PTPRK: variants seen among roughly 807,000 people sequenced by gnomAD.
PTPRK encodes receptor-type tyrosine-protein phosphatase kappa.
Under a neutral mutation model 178.0 loss-of-function variants are expected in PTPRK, and 75 were observed. The observed-to-expected ratio is 0.42, with a 90% CI of 0.35 to 0.51. The LOEUF is 0.51. PTPRK is among the 20% of genes least tolerant of loss of function. The pLI, the probability that PTPRK is intolerant of heterozygous loss-of-function variation, is 0.02. For synonymous variants in PTPRK, 637 were observed against 620.6 expected (o/e 1.03, Z -0.39); for missense variants, 1,441 against 1,797.8 (o/e 0.80, Z 3.59).
chr6:128,290,444 T>C (rs927957698), intron 3 of PTPRK, among the ~76,000 whole-genome samples: 1 of 152,062 alleles, frequency 6.6e-6, no homozygotes, highest in African/African-American at 2.4e-5. Context: ...TGACATACAC[T>C]GATGACTTGT....
intron 6 of PTPRK, among the ~76,000 whole-genome samples, chr6:128,203,723 T>C (rs953968941): frequency 6.6e-6 from 1 of 152,066 alleles, no homozygotes; most frequent in African/African-American, 2.4e-5. Flanking sequence ...ACAAGGGAAG[T>C]GGAAGACCTC....
Position 128,046,078 on chromosome 6 carries a change from A to G in PTPRK, c.2194+18680T>C, listed in dbSNP as rs73582667. On this transcript the variant is annotated intron_variant, in intron 13 of 29. Coordinates refer to ENST00000368226, the MANE Select transcript of PTPRK (RefSeq NM_002844.4). ...AAAGCAGGAAATATTAGTGCCTAAC[A>G]AAAGTCAGTTCTAAGTCATGAAACA... 9.1e-3 allele frequency among the ~76,000 whole-genome samples: 1,393 copies of G among 152,284 alleles called. 21 individuals carry two copies. Among genetic ancestry groups the G allele is most frequent in the African/African-American group, 0.032 (1,314 of 41,574 alleles).
chr6:128,452,528 A>G (rs942102218), intron 1 of PTPRK, among the ~76,000 whole-genome samples: 4 of 152,122 alleles, frequency 2.6e-5, no homozygotes, highest in African/African-American at 9.7e-5. Flanking sequence ...TCTTAAATTC[A>G]CATCCCACAA....
Position 127,991,278 on chromosome 6 carries a change from T to A in PTPRK, c.2979+16A>T. On this transcript the variant is annotated intron_variant, in intron 20 of 29. Transcript: ENST00000368226. The stretch of plus-strand genomic sequence containing the variant: ...GTTCATTTTTATGACAAAAAAATTC[T>A]TTTTCTTCCTCTTACCCGGCCAACC... 1 of 1,574,084 alleles carries A rather than the reference T, an allele frequency of 6.4e-7. No homozygotes were observed. The highest frequency in any genetic ancestry group is 8.6e-7 in the Non-Finnish European group (1 of 1,159,548).
intron 3 of PTPRK, among the ~76,000 whole-genome samples, chr6:128,297,517 C>A (rs948687586): frequency 1.3e-5 from 2 of 152,248 alleles, no homozygotes; most frequent in Non-Finnish European, 2.9e-5. Context: ...GAAATTATAA[C>A]AAACTGTCTC....
At chr6:128,435,522 C>G (rs913164284) in intron 1 of PTPRK, among the ~76,000 whole-genome samples, 1 of 151,974 alleles carries the variant, frequency 6.6e-6, no homozygotes, top group Non-Finnish European at 1.5e-5. Context: ...ACTACAGCAC[C>G]GAGGAAGAGG....
At chr6:128,493,284 T>C (rs367988841) in intron 1 of PTPRK, among the ~76,000 whole-genome samples, 108 of 152,258 alleles carry the variant, frequency 7.1e-4, no homozygotes, top group African/African-American at 1.8e-3. Context: ...GCTAACTGGC[T>C]GGGCGCGGTG....
intron 6 of PTPRK, among the ~76,000 whole-genome samples, chr6:128,191,417 G>A (rs1182031601): frequency 6.6e-6 from 1 of 152,062 alleles, no homozygotes; most frequent in African/African-American, 2.4e-5. Flanking sequence ...CAGGGGCAGG[G>A]CGGGGAGTTT....
At chr6:127,987,183 T>G (rs573209625) in intron 21 of PTPRK, among the ~76,000 whole-genome samples, 2 of 152,014 alleles carry the variant, frequency 1.3e-5, no homozygotes, top group Non-Finnish European at 2.9e-5. Flanking sequence ...TGTCAGCACC[T>G]ATTCCCTGAT....
At chr6:128,258,424 A>G (rs1362705123) in intron 3 of PTPRK, among the ~76,000 whole-genome samples, 1 of 152,188 alleles carries the variant, frequency 6.6e-6, no homozygotes, top group Non-Finnish European at 1.5e-5. Context: ...TCATGCTAAC[A>G]CTAGAGATAA....
intron 2 of PTPRK, among the ~76,000 whole-genome samples, chr6:128,335,744 T>C (rs1042318130): frequency 4.6e-5 from 7 of 151,880 alleles, no homozygotes; most frequent in African/African-American, 1.7e-4. Flanking sequence ...GGTCACAAGA[T>C]CGTCAACTAT....
rs397728792 is a variant in PTPRK, at chr6:128,443,095, A to AC, written c.101-45408dup. Reference sequence around the variant, plus strand: ...ACATAGTACACTTCACAAAAAAAAAACCAAAAACAATAAGATTAATTATTT... The same window carrying AC: ...ACATAGTACACTTCACAAAAAAAAAACCCAAAAACAATAAGATTAATTATTT... On this transcript the variant is annotated intron_variant, in intron 1 of 29. Coordinates refer to ENST00000368226, the MANE Select transcript of PTPRK (RefSeq NM_002844.4). Among the ~76,000 whole-genome samples the AC allele has an allele frequency of 9.2e-5, 14 of 152,238 alleles. No individual in the cohort carries two copies. In the East Asian group the frequency reaches 2.5e-3, roughly 27 times the overall value.
chr6:128,014,402 T>A (rs1044660914), intron 13 of PTPRK, among the ~76,000 whole-genome samples: 1 of 151,606 alleles, frequency 6.6e-6, no homozygotes, highest in African/African-American at 2.4e-5. Context: ...CTCTTATCTG[T>A]TGTGTGACAA....
At chr6:128,510,063 A>G (rs1045374896) in intron 1 of PTPRK, among the ~76,000 whole-genome samples, 4 of 152,230 alleles carry the variant, frequency 2.6e-5, no homozygotes, top group Non-Finnish European at 5.9e-5. Context: ...AGTTATTATC[A>G]TAAGTTATTT....
intron 2 of PTPRK, among the ~76,000 whole-genome samples, chr6:128,384,353 T>C (rs1838381957): frequency 6.6e-6 from 1 of 151,704 alleles, no homozygotes; most frequent in Non-Finnish European, 1.5e-5. Flanking sequence ...TAGAGATATC[T>C]CGCAATACAA....
At chr6:128,287,307 A>C (rs868256689) in intron 3 of PTPRK, among the ~76,000 whole-genome samples, 14 of 152,208 alleles carry the variant, frequency 9.2e-5, no homozygotes, top group African/African-American at 3.4e-4. Flanking sequence ...CCTGAAGACC[A>C]TGTCCGAAAA....
Position 128,231,017 on chromosome 6 carries a change from C to T in PTPRK, c.693+9018G>A, listed in dbSNP as rs34421967. ...TATCTGCAAGGCATTGATCTCTTTACGGTAGGAAGCCACATAAAATCAACC... is the reference window on the plus strand; with the variant it reads ...TATCTGCAAGGCATTGATCTCTTTATGGTAGGAAGCCACATAAAATCAACC... On this transcript the variant is annotated intron_variant, in intron 5 of 29. Transcript: ENST00000368226. Among the ~76,000 whole-genome samples, 926 of 152,214 alleles carry T rather than the reference C, an allele frequency of 6.1e-3. 5 individuals are homozygous for T. The highest frequency in any genetic ancestry group is 0.017 in the Middle Eastern group (5 of 294).
chr6:128,142,844 C>T (rs1282707089), intron 7 of PTPRK, among the ~76,000 whole-genome samples: 3 of 151,946 alleles, frequency 2.0e-5, no homozygotes, highest in East Asian at 3.9e-4. Flanking sequence ...CAAAAGAAAG[C>T]TTTGGTACTA....
chr6:128,123,292 A>G (rs1175466117), intron 7 of PTPRK, among the ~76,000 whole-genome samples: 1 of 152,140 alleles, frequency 6.6e-6, no homozygotes, highest in Non-Finnish European at 1.5e-5. Context: ...TTGATTTTTG[A>G]GCTTCTGGTC....
Sources: gnomAD v4.1 joint callset for allele counts (sites outside exome capture counted in the v4.1 genomes callset) on GRCh38, gnomAD v4.1.1 for gene constraint, MANE v1.5 for transcripts, NCBI Gene and HGNC (gene_info 2026-07-23, HGNC 2026-07-21) for gene names.